The following STARD8 variants were observed in gnomAD, a reference collection of about 807,000 sequenced individuals.
STARD8 encodes the protein stAR-related lipid transfer protein 8.
In STARD8, 25 loss-of-function variants were observed where a neutral mutation model predicts 69.4. The ratio of observed to expected loss-of-function variants is 0.36; its 90% CI spans 0.26 to 0.50. The LOEUF is 0.50. Among genes scored for constraint, STARD8 ranks in the 20% least tolerant of loss-of-function variants. The probability of loss-of-function intolerance (pLI) is 0.96; values close to 1 mark genes in which losing one functional copy is unlikely to be tolerated. For missense variants in STARD8, 921 were observed against 932.5 expected, an observed-to-expected ratio of 0.99 and a Z score of 0.16; for synonymous variants, 389 against 374.6, an observed-to-expected ratio of 1.04 and a Z score of -0.45.
chrX:68,685,542 T>C (rs935782667), intron 2 of STARD8, among the ~76,000 whole-genome samples: 1 of 112,636 alleles, frequency 8.9e-6, no homozygotes, highest in East Asian at 2.8e-4. Flanking sequence ...TCCAGGCTTT[T>C]TTTGTGGTAC....
rs756303091 is a variant in STARD8, at chrX:68,723,702, G to A, written c.2876G>A (p.Arg959His). Residue 959 changes from arginine to histidine, a missense_variant, in exon 13 of 15, where the codon CGT becomes CAT. Transcript: ENST00000374599. ...VAAPPAVVLHRVLRERALWDE... is the reference protein window; with the variant it reads ...VAAPPAVVLHHVLRERALWDE... The stretch of plus-strand genomic sequence containing the variant: ...GCCCCCCCAGCTGTGGTGCTGCATC[G>A]TGTTCTCCGGGAGCGGGCCCTCTGG... The A allele has an allele frequency of 1.3e-5, 15 of 1,196,615 alleles. No individual in the cohort carries two copies. The highest frequency in any genetic ancestry group is 3.7e-5 in the South Asian group (2 of 54,736).
chrX:68,712,444 T>C (rs1180335478), intron 2 of STARD8, among the ~76,000 whole-genome samples: 2 of 112,731 alleles, frequency 1.8e-5, no homozygotes, highest in Non-Finnish European at 3.8e-5. Flanking sequence ...TGAAGAATGT[T>C]AGATGCGATG....
chrX:68,675,068 T>G (rs780107798), intron 2 of STARD8, among the ~76,000 whole-genome samples: 14 of 109,337 alleles, frequency 1.3e-4, no homozygotes, highest in Non-Finnish European at 2.1e-4. Context: ...GCGATTCTCC[T>G]GCCTCAGCCT....
intron 2 of STARD8, among the ~76,000 whole-genome samples, chrX:68,711,222 G>GCACA (rs60571538): frequency 0.064 from 6,527 of 101,773 alleles, 553 homozygotes; most frequent in African/African-American, 0.22. Context: ...ATGTATGCAT[G>GCACA]CACACACACA....
chrX:68,650,890 G>T (rs2079544697), intron 1 of STARD8, among the ~76,000 whole-genome samples: 1 of 112,517 alleles, frequency 8.9e-6, no homozygotes, highest in Non-Finnish European at 1.9e-5. Context: ...TCTATCATGG[G>T]TCCCAGACGT....
chrX:68,663,649 A>G (rs933520216), intron 1 of STARD8, among the ~76,000 whole-genome samples: 2 of 110,910 alleles, frequency 1.8e-5, no homozygotes, highest in East Asian at 5.7e-4. Context: ...TCATCTCTTA[A>G]TTTCCAAGAA....
At chrX:68,683,738 C>T (rs1415925977) in intron 2 of STARD8, among the ~76,000 whole-genome samples, 1 of 112,826 alleles carries the variant, frequency 8.9e-6, no homozygotes, top group Non-Finnish European at 1.9e-5. Context: ...TTTACATCAT[C>T]AGCCCCCCAA....
At chrX:68,659,200 G>A (rs2079629497) in intron 1 of STARD8, among the ~76,000 whole-genome samples, 1 of 111,910 alleles carries the variant, frequency 8.9e-6, no homozygotes, top group Non-Finnish European at 1.9e-5. Flanking sequence ...CCACACAATG[G>A]GTGCTCAGTA....
intron 2 of STARD8, among the ~76,000 whole-genome samples, chrX:68,672,716 C>G (rs1287609391): frequency 4.6e-5 from 5 of 109,246 alleles, no homozygotes; most frequent in East Asian, 2.9e-4. Flanking sequence ...AAACAGCGCC[C>G]CACCCCCCAT....
chrX:68,688,155 C>T (rs761732723), intron 2 of STARD8, among the ~76,000 whole-genome samples: 103 of 112,315 alleles, frequency 9.2e-4, no homozygotes, highest in African/African-American at 3.2e-3. Flanking sequence ...TGAGGAAAGG[C>T]CTGTTGAGAG....
chrX:68,651,105 C>A (rs148526565), intron 1 of STARD8, among the ~76,000 whole-genome samples: 45 of 112,744 alleles, frequency 4.0e-4, no homozygotes, highest in Non-Finnish European at 7.5e-4. Context: ...TGTAGACTCA[C>A]ACACATATGC....
At chrX:68,662,424 G>T (rs1602546809) in intron 1 of STARD8, among the ~76,000 whole-genome samples, 1 of 111,181 alleles carries the variant, frequency 9.0e-6, no homozygotes, top group South Asian at 3.8e-4. Flanking sequence ...CCCCCTCAAT[G>T]GCTCTCCATT....
intron 2 of STARD8, among the ~76,000 whole-genome samples, chrX:68,682,581 T>C (rs2079807663): frequency 8.9e-6 from 1 of 112,492 alleles, no homozygotes; most frequent in African/African-American, 3.2e-5. Context: ...GGGCAAATAA[T>C]TTAACCTCTT....
chrX:68,685,632 A>T (rs2079826870), intron 2 of STARD8, among the ~76,000 whole-genome samples: 1 of 112,841 alleles, frequency 8.9e-6, no homozygotes, highest in African/African-American at 3.2e-5. Context: ...CACCATGATC[A>T]GTCCTTCAGA....
chrX:68,674,993 G>A (rs2079755735), intron 2 of STARD8, among the ~76,000 whole-genome samples: 1 of 100,251 alleles, frequency 1.0e-5, no homozygotes, highest in Non-Finnish European at 2.0e-5. Flanking sequence ...TTTCGCTCTT[G>A]TTGCCCAGGC....
Position 68,716,371 on chromosome X carries a change from G to A in STARD8, c.237G>A (p.Arg79=). Residue 79 remains arginine, a synonymous_variant, in exon 5 of 15, where the codon AGG becomes AGA. Coordinates refer to ENST00000374599, the MANE Select transcript of STARD8 (RefSeq NM_001142503.3). ...DEDSLGALCR[R]LMTLNNCASM... is the part of the protein sequence containing the mutation. ...GGACACTTCCATTTTGTTACAGGAG[G>A]CTGATGACCTTGAATAATTGTGCCT... The A allele has an allele frequency of 8.3e-7, 1 of 1,210,740 alleles. No individual in the cohort carries two copies. Among genetic ancestry groups the A allele is most frequent in the South Asian group, 1.8e-5 (1 of 56,856 alleles).
chrX:68,710,375 T>G (rs1026805789), intron 2 of STARD8, among the ~76,000 whole-genome samples: 18 of 112,470 alleles, frequency 1.6e-4, no homozygotes, highest in African/African-American at 5.5e-4. Flanking sequence ...CAATGTGATT[T>G]AGACCAAGAC....
chrX:68,654,632 T>C (rs1057103201), intron 1 of STARD8, among the ~76,000 whole-genome samples: 3 of 111,795 alleles, frequency 2.7e-5, no homozygotes, highest in African/African-American at 9.8e-5. Flanking sequence ...CTCATCCAAG[T>C]ATGCATGAGA....
intron 2 of STARD8, among the ~76,000 whole-genome samples, chrX:68,668,964 C>A (rs1196553485): frequency 9.0e-6 from 1 of 111,289 alleles, no homozygotes; most frequent in Non-Finnish European, 1.9e-5. Context: ...AATGTACCAC[C>A]CCAAATCATC....
Sources: allele counts gnomAD v4.1 joint callset (sites outside exome capture counted in the v4.1 genomes callset), GRCh38; gene constraint gnomAD v4.1.1; transcripts MANE v1.5; gene names NCBI Gene and HGNC (gene_info 2026-07-23, HGNC 2026-07-21).